The following RABIF variants were observed in gnomAD, a reference collection of about 807,000 sequenced individuals.
The protein encoded by RABIF is RAB interacting factor.
RABIF carries 13 observed loss-of-function variants against 12.3 expected under a neutral mutation model. The observed-to-expected ratio is 1.06, with a 90% CI of 0.69 to 1.68. RABIF has a LOEUF of 1.68. RABIF is among the 40% of genes most tolerant of loss of function. The pLI is 0.00. For synonymous variants in RABIF, 70 were observed against 63.3 expected (o/e 1.11, Z -0.50); for missense variants, 153 against 158.0 (o/e 0.97, Z 0.17).
At chr1:202,881,590 G>GT (rs1293439903) in intron 1 of RABIF, among the ~76,000 whole-genome samples, 1 of 152,004 alleles carries the variant, frequency 6.6e-6, no homozygotes, top group African/African-American at 2.4e-5. Flanking sequence ...TTTTTTTTAA[G>GT]TAAAGATGGG....
chr1:202,885,203 T>C (rs1253830367), intron 1 of RABIF, among the ~76,000 whole-genome samples: 2 of 151,536 alleles, frequency 1.3e-5, no homozygotes. Context: ...CAACTAAAAA[T>C]GTCTCCAGAT....
chr1:202,888,830 A>T, intron 1 of RABIF, 143 bp downstream of exon 1: 1 of 1,179,390 alleles, frequency 8.5e-7, no homozygotes, highest in South Asian at 1.9e-5. Flanking sequence ...AGCCTCGCCG[A>T]GCTGAGGCCC....
At chr1:202,882,213 T>G (rs1659501396) in intron 1 of RABIF, among the ~76,000 whole-genome samples, 1 of 151,982 alleles carries the variant, frequency 6.6e-6, no homozygotes, top group Non-Finnish European at 1.5e-5. Flanking sequence ...GACCCCCATC[T>G]CTACAAAAAA....
intron 1 of RABIF, 31 bp downstream of exon 1, chr1:202,888,942 G>C: frequency 2.6e-6 from 4 of 1,514,356 alleles, no homozygotes; most frequent in Non-Finnish European, 3.5e-6. Flanking sequence ...GGAGACTGTG[G>C]GTGTAAACGG....
Position 202,889,092 on chromosome 1 carries a change from G to GGAA in RABIF, c.6_7insTTC (p.Glu2_Pro3insPhe). On this transcript the variant is annotated inframe_insertion, in exon 1 of 2. Coordinates refer to ENST00000367262, the MANE Select transcript of RABIF (RefSeq NM_002871.5). ...ACTAACTCGCTCGGCTGCTCCGCTG[G>GGAA]TTCCATCGCCGCTGCCGCCACAGGC... The GGAA allele has an allele frequency of 6.2e-7, 1 of 1,604,412 alleles. No individual in the cohort carries two copies.
Position 202,880,835 on chromosome 1 carries a change from C to T in RABIF, c.*143G>A, listed in dbSNP as rs1659477747. 2 of 1,472,172 alleles carry T rather than the reference C, an allele frequency of 1.4e-6. No homozygotes were observed. The highest frequency in any genetic ancestry group is 2.3e-5 in the East Asian group (1 of 43,090). 91.2% of individuals were successfully genotyped at this position (1,472,172 alleles called of 1,614,324 possible). On this transcript the variant is annotated 3_prime_UTR_variant, in exon 2 of 2. Coordinates refer to ENST00000367262, the MANE Select transcript of RABIF (RefSeq NM_002871.5). ...TTTAGGAAGCAGGATTAACCCTCTG[C>T]ATGTTCAAATGGACATGCTGGTACT... is the stretch of plus-strand genomic sequence containing the variant.
In RABIF at chr1:202,879,498, T is replaced by C. The variant is rs1441374380; in HGVS notation, c.*1480A>G. 1 of 152,212 alleles carries C rather than the reference T, an allele frequency of 6.6e-6. No individual in the cohort carries two copies. Among genetic ancestry groups the C allele is most frequent in the Non-Finnish European group, 1.5e-5 (1 of 68,042 alleles). 9.4% of individuals were successfully genotyped at this position (152,212 alleles called of 1,614,324 possible). A position where few individuals can be genotyped will look rare whatever the true frequency, so the allele number is the denominator to read the frequency against. ...ATCTACTTGGGTTTTGCTCCTGACT[T>C]GTGTGGATAACTCTGTTTTTCTGCA... is the stretch of plus-strand genomic sequence containing the variant. On this transcript the variant is annotated 3_prime_UTR_variant, in exon 2 of 2. Coordinates refer to ENST00000367262, the MANE Select transcript of RABIF (RefSeq NM_002871.5).
chr1:202,880,957 G>A lies in RABIF; in HGVS notation c.*21C>T. 6.2e-7 allele frequency: 1 copy of A among 1,611,542 alleles called. No individual in the cohort carries two copies. Among genetic ancestry groups the A allele is most frequent in the South Asian group, 1.1e-5 (1 of 90,968 alleles). Reference sequence around the variant, plus strand: ...GAGTAGGTTTATCTTTGGAGATGGAGCTGAGTACCCCTCCCCTCAGTTACT... The same window carrying A: ...GAGTAGGTTTATCTTTGGAGATGGAACTGAGTACCCCTCCCCTCAGTTACT... On this transcript the variant is annotated 3_prime_UTR_variant, in exon 2 of 2. Transcript: ENST00000367262.
chr1:202,881,085 T>C lies in RABIF; in HGVS notation c.265A>G (p.Ile89Val). 6.2e-7 allele frequency: 1 copy of C among 1,614,164 alleles called. No individual in the cohort carries two copies. The highest frequency in any genetic ancestry group is 8.5e-7 in the Non-Finnish European group (1 of 1,180,036). Residue 89 changes from isoleucine (I) to valine (V), a missense_variant, in exon 2 of 2, where the codon ATC (isoleucine) becomes GTC (valine). Coordinates refer to ENST00000367262, the MANE Select transcript of RABIF (RefSeq NM_002871.5). ...CAGTCTGCGCAGACCAGAAACTTGA[T>C]GTTGCCCACGTCCTTGGTGAAGCCC... Reference protein sequence around the residue: ...NVGFTKDVGNIKFLVCADCEI... With the variant: ...NVGFTKDVGNVKFLVCADCEI...
intron 1 of RABIF, among the ~76,000 whole-genome samples, chr1:202,882,499 T>C (rs1318422271): frequency 6.6e-6 from 1 of 152,170 alleles, no homozygotes; most frequent in African/African-American, 2.4e-5. Context: ...GAGACTACAG[T>C]GAGCCAAGAT....
In RABIF at chr1:202,880,959, T is replaced by C; in HGVS notation, c.*19A>G. On this transcript the variant is annotated 3_prime_UTR_variant, in exon 2 of 2. Coordinates refer to ENST00000367262, the MANE Select transcript of RABIF (RefSeq NM_002871.5). ...GTAGGTTTATCTTTGGAGATGGAGCTGAGTACCCCTCCCCTCAGTTACTCA... is the reference window on the plus strand; with the variant it reads ...GTAGGTTTATCTTTGGAGATGGAGCCGAGTACCCCTCCCCTCAGTTACTCA... The C allele has an allele frequency of 6.2e-7, 1 of 1,611,860 alleles. No individual in the cohort carries two copies. Among genetic ancestry groups the C allele is most frequent in the Non-Finnish European group, 8.5e-7 (1 of 1,178,088 alleles).
chr1:202,883,201 G>GT (rs1659516306), intron 1 of RABIF, among the ~76,000 whole-genome samples: 4 of 151,962 alleles, frequency 2.6e-5, no homozygotes, highest in Middle Eastern at 3.4e-3. Context: ...ATACTTTTTT[G>GT]TTTTTTTGTA....
At chr1:202,885,444 C>T (rs552934592) in intron 1 of RABIF, among the ~76,000 whole-genome samples, 4 of 152,256 alleles carry the variant, frequency 2.6e-5, no homozygotes, top group Admixed American at 2.0e-4. Flanking sequence ...AGACTCCTTA[C>T]ACCTTTCTGC....
chr1:202,881,546 T>C (rs916371716), intron 1 of RABIF, among the ~76,000 whole-genome samples: 3 of 151,950 alleles, frequency 2.0e-5, no homozygotes, highest in Non-Finnish European at 4.4e-5. Context: ...GGACTACAGG[T>C]GCCCGCCACC....
At chr1:202,884,759 C>T (rs1226291974) in intron 1 of RABIF, among the ~76,000 whole-genome samples, 1 of 152,118 alleles carries the variant, frequency 6.6e-6, no homozygotes, top group East Asian at 1.9e-4. Context: ...CCTCGCTAAA[C>T]CCAGTCGACC....
chr1:202,882,573 T>G (rs1244129471), intron 1 of RABIF, among the ~76,000 whole-genome samples: 1 of 152,088 alleles, frequency 6.6e-6, no homozygotes, highest in African/African-American at 2.4e-5. Flanking sequence ...TAAAATAAAA[T>G]GCACAGTTTA....
chr1:202,887,611 C>A (rs1659582884), intron 1 of RABIF, among the ~76,000 whole-genome samples: 1 of 152,006 alleles, frequency 6.6e-6, no homozygotes, highest in Non-Finnish European at 1.5e-5. Context: ...GATTCTCCTG[C>A]CTCAGCCTCC....
chr1:202,882,789 T>G lies in RABIF; in HGVS notation c.127-1566A>C, dbSNP rs370603298. Among the ~76,000 whole-genome samples, 116 of 152,262 alleles carry G rather than the reference T, an allele frequency of 7.6e-4. No individual in the cohort carries two copies. In the South Asian group the frequency reaches 0.014, roughly 18 times the overall value. ...GCTCCTGGAAAGCAAGGAGCTTACTTTGTTCATTACTAGATCTCTAGTGCT... is the reference window on the plus strand; with the variant it reads ...GCTCCTGGAAAGCAAGGAGCTTACTGTGTTCATTACTAGATCTCTAGTGCT... On this transcript the variant is annotated intron_variant, in intron 1 of 1. Coordinates refer to ENST00000367262, the MANE Select transcript of RABIF (RefSeq NM_002871.5).
rs2102394353 is a variant in RABIF at position 202,879,151 on chromosome 1, T to C, written c.*1827A>G. On this transcript the variant is annotated 3_prime_UTR_variant, in exon 2 of 2. Transcript: ENST00000367262. The stretch of plus-strand genomic sequence containing the variant: ...AACAATGAAATACTATGGTTTCCTA[T>C]TCAAGTCGCTATATATTTTTTTGTT... 1 of 152,320 alleles carries C rather than the reference T, an allele frequency of 6.6e-6. No homozygotes were observed. The highest frequency in any genetic ancestry group is 6.5e-5 in the Admixed American group (1 of 15,294). The allele number at this position is 152,320 out of a possible 1,614,324, so 9.4% of individuals were successfully genotyped here. A position where few individuals can be genotyped will look rare whatever the true frequency, so the allele number is the denominator to read the frequency against.
Sources: gnomAD v4.1 joint callset for allele counts (sites outside exome capture counted in the v4.1 genomes callset) on GRCh38, gnomAD v4.1.1 for gene constraint, MANE v1.5 for transcripts, NCBI Gene and HGNC (gene_info 2026-07-23, HGNC 2026-07-21) for gene names.